Variants in IL1RAPL2 observed in about 807,000 individuals in gnomAD.
The protein encoded by IL1RAPL2 is interleukin 1 receptor accessory protein like 2.
Under a neutral mutation model 44.1 loss-of-function variants are expected in IL1RAPL2, and 3 were observed. The ratio of observed to expected loss-of-function variants is 0.07; its 90% CI spans 0.03 to 0.18. The LOEUF (loss-of-function observed/expected upper bound fraction) is 0.18, where lower values mean the gene tolerates loss of function less well. IL1RAPL2 is among the 10% of genes least tolerant of loss of function. The probability of loss-of-function intolerance (pLI) is 1.00; values close to 1 mark genes in which losing one functional copy is unlikely to be tolerated. For synonymous variants in IL1RAPL2, 181 were observed against 178.8 expected (o/e 1.01, Z -0.10); for missense variants, 391 against 496.4 (o/e 0.79, Z 2.02).
intron 2 of IL1RAPL2, among the ~76,000 whole-genome samples, chrX:105,031,149 A>G (rs1265110133): frequency 1.8e-5 from 2 of 110,313 alleles, no homozygotes; most frequent in Non-Finnish European, 3.8e-5. Context: ...TTGGGCTGAG[A>G]CGATGGGGTT....
intron 2 of IL1RAPL2, among the ~76,000 whole-genome samples, chrX:104,835,821 CA>C: frequency 8.9e-6 from 1 of 112,041 alleles, no homozygotes; most frequent in Non-Finnish European, 1.9e-5. Context: ...GCCACGTTTT[CA>C]AAACAAAATA....
At chrX:105,143,878 T>C (rs1259427843) in intron 2 of IL1RAPL2, among the ~76,000 whole-genome samples, 5 of 110,022 alleles carry the variant, frequency 4.5e-5, no homozygotes, top group African/African-American at 1.7e-4. Context: ...TTAGGAGATA[T>C]ACCTAATGTT....
At chrX:104,802,673 A>G (rs747997150) in intron 2 of IL1RAPL2, among the ~76,000 whole-genome samples, 16 of 111,768 alleles carry the variant, frequency 1.4e-4, no homozygotes, top group Non-Finnish European at 2.8e-4. Context: ...TTAATGTTTG[A>G]TATTCCATCT....
intron 1 of IL1RAPL2, among the ~76,000 whole-genome samples, chrX:104,589,826 A>G (rs190845009): frequency 9.0e-5 from 10 of 111,224 alleles, no homozygotes; most frequent in Non-Finnish European, 1.9e-4. Context: ...AAGACCCTCT[A>G]ATTTGAGACC....
chrX:105,031,557 T>C lies in IL1RAPL2; in HGVS notation c.83-163918T>C, dbSNP rs773127735. The stretch of plus-strand genomic sequence containing the variant: ...ATGCTGGATTACATTTATTGATTTG[T>C]GTATGTTGAACCAACCTTGCATCCC... On this transcript the variant is annotated intron_variant, in intron 2 of 10. Coordinates refer to ENST00000372582, the MANE Select transcript of IL1RAPL2 (RefSeq NM_017416.2). 5.4e-5 allele frequency among the ~76,000 whole-genome samples: 6 copies of C among 112,071 alleles called. No individual in the cohort carries two copies. The East Asian group carries it at 1.7e-3, about 32-fold the overall frequency.
At chrX:105,030,293 T>C (rs1182081790) in intron 2 of IL1RAPL2, among the ~76,000 whole-genome samples, 1 of 111,307 alleles carries the variant, frequency 9.0e-6, no homozygotes, top group Admixed American at 9.6e-5. Context: ...CCATTGCTTT[T>C]GGTGTTTTAG....
chrX:105,582,092 G>A (rs1349944799), intron 6 of IL1RAPL2, among the ~76,000 whole-genome samples: 1 of 110,812 alleles, frequency 9.0e-6, no homozygotes, highest in East Asian at 2.8e-4. Context: ...GCTTCTTTGA[G>A]GAATAATTTA....
intron 2 of IL1RAPL2, among the ~76,000 whole-genome samples, chrX:105,100,090 T>G (rs987088836): frequency 8.9e-6 from 1 of 111,927 alleles, no homozygotes; most frequent in Admixed American, 9.5e-5. Flanking sequence ...CAGTATATTG[T>G]TATAGTTGTT....
At position 105,190,321 on chromosome X, in the gene IL1RAPL2, C is replaced by G. The variant is rs921181844; in HGVS notation, c.83-5154C>G. On this transcript the variant is annotated intron_variant, in intron 2 of 10. Transcript: ENST00000372582. ...TCTGTCACCTACAATGGTGCATCCC[C>G]ATAGGTGTGCTGTGATTCTTCTCAA... 2.7e-5 allele frequency among the ~76,000 whole-genome samples: 3 copies of G among 112,196 alleles called. No homozygotes were observed. In the Admixed American group the frequency reaches 2.8e-4, roughly 11 times the overall value.
chrX:104,897,074 C>T (rs750247999), intron 2 of IL1RAPL2, among the ~76,000 whole-genome samples: 17 of 111,993 alleles, frequency 1.5e-4, no homozygotes, highest in South Asian at 1.5e-3. Flanking sequence ...TCCACAGCTT[C>T]GTTCTCGAAG....
At chrX:104,708,880 C>G (rs146578603) in intron 2 of IL1RAPL2, among the ~76,000 whole-genome samples, 1 of 110,881 alleles carries the variant, frequency 9.0e-6, no homozygotes, top group East Asian at 2.9e-4. Flanking sequence ...GGCTGCTTTT[C>G]TGATTGGTAG....
In IL1RAPL2 at chrX:105,069,609, C is replaced by A. The variant is rs188971313; in HGVS notation, c.83-125866C>A. ...TATATTTCTATATTTCATTTTTATA[C>A]AACAAAAACATTTTAGCTTTACATC... is the stretch of plus-strand genomic sequence containing the variant. On this transcript the variant is annotated intron_variant, in intron 2 of 10. Coordinates refer to ENST00000372582, the MANE Select transcript of IL1RAPL2 (RefSeq NM_017416.2). Among the ~76,000 whole-genome samples, 11 of 111,600 alleles carry A rather than the reference C, an allele frequency of 9.9e-5. No homozygotes were observed. In the East Asian group the frequency reaches 3.1e-3, roughly 31 times the overall value.
intron 6 of IL1RAPL2, among the ~76,000 whole-genome samples, chrX:105,646,302 G>A (rs951837780): frequency 8.9e-6 from 1 of 111,876 alleles, no homozygotes; most frequent in Non-Finnish European, 1.9e-5. Flanking sequence ...AAACCCTGAG[G>A]CTTTTCATTC....
At chrX:105,243,600 TATA>T (rs1309122516) in intron 4 of IL1RAPL2, among the ~76,000 whole-genome samples, 5 of 86,420 alleles carry the variant, frequency 5.8e-5, no homozygotes, top group African/African-American at 3.5e-4. Flanking sequence ...TATATATATA[TATA>T]TATTTTTTTT....
intron 1 of IL1RAPL2, among the ~76,000 whole-genome samples, chrX:104,594,566 G>C (rs772080236): frequency 3.6e-5 from 4 of 111,654 alleles, no homozygotes; most frequent in African/African-American, 6.5e-5. Context: ...TGTCAAATAA[G>C]ACATATGTGC....
chrX:104,838,777 A>G lies in IL1RAPL2; in HGVS notation c.82+179782A>G, dbSNP rs776981623. ...AATACTATGTTGAATAGGAGTAGTG[A>G]GAGAGGGCATCCTTGTCTTCTGCCT... On this transcript the variant is annotated intron_variant, in intron 2 of 10. Coordinates refer to ENST00000372582, the MANE Select transcript of IL1RAPL2 (RefSeq NM_017416.2). 3.7e-5 allele frequency among the ~76,000 whole-genome samples: 4 copies of G among 108,274 alleles called. No homozygotes were observed. In the East Asian group the frequency reaches 1.2e-3, roughly 32 times the overall value. The allele number at this position is 108,274 out of a possible 115,157, so 94.0% of individuals were successfully genotyped here.
chrX:105,096,698 A>ACAG, intron 2 of IL1RAPL2, among the ~76,000 whole-genome samples: 1 of 111,540 alleles, frequency 9.0e-6, no homozygotes, highest in Middle Eastern at 4.6e-3. Context: ...GAAAGGGGAA[A>ACAG]TGGGCTGCGA....
chrX:104,718,419 A>C (rs1036237174), intron 2 of IL1RAPL2, among the ~76,000 whole-genome samples: 1 of 111,013 alleles, frequency 9.0e-6, no homozygotes, highest in African/African-American at 3.3e-5. Flanking sequence ...CCATATGTCG[A>C]CTTGTCTTCC....
At chrX:105,153,072 A>G (rs1032292641) in intron 2 of IL1RAPL2, among the ~76,000 whole-genome samples, 2 of 111,714 alleles carry the variant, frequency 1.8e-5, no homozygotes, top group Admixed American at 1.9e-4. Context: ...CTTGAGACAA[A>G]GTTTTGCTCT....
Sources: allele counts gnomAD v4.1 joint callset (sites outside exome capture counted in the v4.1 genomes callset), GRCh38; gene constraint gnomAD v4.1.1; transcripts MANE v1.5; gene names NCBI Gene and HGNC (gene_info 2026-07-23, HGNC 2026-07-21).